Variants in CACNB4 observed in about 807,000 individuals in gnomAD.
CACNB4 encodes the protein calcium voltage-gated channel auxiliary subunit beta 4, also known as voltage-dependent L-type calcium channel subunit beta-4.
In CACNB4, 32 loss-of-function variants were observed where a neutral mutation model predicts 71.2. The ratio of observed to expected loss-of-function variants is 0.45; its 90% CI spans 0.34 to 0.60. The LOEUF is 0.60. Ranked by LOEUF, CACNB4 falls within the 20% of genes least tolerant of loss-of-function variation. CACNB4 has a pLI of 0.01. For synonymous variants in CACNB4, 231 were observed against 236.9 expected (o/e 0.97, Z 0.23); for missense variants, 464 against 647.9 (o/e 0.72, Z 3.08).
chr2:151,929,132 A>G (rs977840442), intron 2 of CACNB4, among the ~76,000 whole-genome samples: 3 of 151,878 alleles, frequency 2.0e-5, no homozygotes, highest in African/African-American at 4.8e-5. Context: ...ACATAATTCT[A>G]CTCAGTCCTC....
chr2:151,911,503 C>A (rs1475870010), intron 2 of CACNB4, among the ~76,000 whole-genome samples: 1 of 151,968 alleles, frequency 6.6e-6, no homozygotes, highest in African/African-American at 2.4e-5. Context: ...GTTGAACCAG[C>A]CTTGCATCCC....
At position 152,037,169 on chromosome 2, in the gene CACNB4, A is replaced by G. The variant is rs1187686568; in HGVS notation, c.147+61161T>C. 2.0e-5 allele frequency among the ~76,000 whole-genome samples: 3 copies of G among 152,164 alleles called. No individual in the cohort carries two copies. In the East Asian group the frequency reaches 5.8e-4, roughly 29 times the overall value. ...GGGCTTCTGTTTTGTTACCTTCTCA[A>G]TGAGTGATGTCTGAGAAGCTTGGTT... On this transcript the variant is annotated intron_variant, in intron 2 of 13. Transcript: ENST00000539935.
At chr2:151,984,844 C>T (rs944191199) in intron 2 of CACNB4, among the ~76,000 whole-genome samples, 5 of 152,164 alleles carry the variant, frequency 3.3e-5, no homozygotes, top group South Asian at 2.1e-4. Flanking sequence ...TCTCATATTT[C>T]GTATTTCAGC....
At chr2:151,905,495 G>A (rs1173443979) in intron 2 of CACNB4, among the ~76,000 whole-genome samples, 1 of 152,168 alleles carries the variant, frequency 6.6e-6, no homozygotes, top group East Asian at 1.9e-4. Flanking sequence ...CAAGTCTTGA[G>A]TAGAAAGAAG....
chr2:151,849,388 G>C (rs976801875), intron 12 of CACNB4, among the ~76,000 whole-genome samples: 2 of 152,118 alleles, frequency 1.3e-5, no homozygotes, highest in Non-Finnish European at 2.9e-5. Flanking sequence ...CTACCAAGGA[G>C]CTAGGACTAT....
At chr2:151,914,758 C>T (rs1237079631) in intron 2 of CACNB4, among the ~76,000 whole-genome samples, 3 of 152,086 alleles carry the variant, frequency 2.0e-5, no homozygotes, top group Non-Finnish European at 2.9e-5. Flanking sequence ...CTGCAGTTTG[C>T]GGGGGTTCAC....
intron 2 of CACNB4, among the ~76,000 whole-genome samples, chr2:152,067,123 A>G (rs1204357118): frequency 1.3e-5 from 2 of 151,818 alleles, no homozygotes; most frequent in Admixed American, 6.6e-5. Flanking sequence ...GTGCACATGT[A>G]CCCTAAAACT....
intron 2 of CACNB4, among the ~76,000 whole-genome samples, chr2:151,990,532 C>T (rs1681646857): frequency 6.6e-6 from 1 of 152,210 alleles, no homozygotes; most frequent in African/African-American, 2.4e-5. Context: ...CCAGGAGGAA[C>T]AGGGACCGGG....
At chr2:151,869,476 G>GACCCTCTTCCCTCT (rs901991897) in intron 8 of CACNB4, 4 of 404,388 alleles carry the variant, frequency 9.9e-6, no homozygotes, top group Admixed American at 4.1e-5. Flanking sequence ...GTGTTCACCA[G>GACCCTCTTCCCTCT]ACCCTCTTCC....
chr2:151,912,181 ATCT>A (rs1482225701), intron 2 of CACNB4, among the ~76,000 whole-genome samples: 3 of 151,718 alleles, frequency 2.0e-5, no homozygotes, highest in Non-Finnish European at 2.9e-5. Context: ...CTCTTCTCTG[ATCT>A]TAGTTATTTC....
intron 9 of CACNB4, chr2:151,861,842 C>CAAAAAAAAAAAAAAAAAAAAAAAAAAAA (rs35080979): frequency 3.2e-5 from 2 of 61,896 alleles, no homozygotes; most frequent in Admixed American, 1.6e-4. Context: ...GACCCTGTCT[C>CAAAAAAAAAAAAAAAAAAAAAAAAAAAA]AAAAAAAAAA....
At chr2:152,054,928 G>A (rs1431489494) in intron 2 of CACNB4, among the ~76,000 whole-genome samples, 1 of 152,042 alleles carries the variant, frequency 6.6e-6, no homozygotes, top group African/African-American at 2.4e-5. Flanking sequence ...CTTTTCTACT[G>A]AGTCTAAAAG....
intron 2 of CACNB4, among the ~76,000 whole-genome samples, chr2:152,085,573 G>GTCTGT (rs1687613927): frequency 6.6e-6 from 1 of 152,034 alleles, no homozygotes; most frequent in Non-Finnish European, 1.5e-5. Context: ...CCCACCATGA[G>GTCTGT]GGTCCCGGCT....
At chr2:151,867,251 A>AG (rs1242726534) in intron 9 of CACNB4, 1 of 152,252 alleles carries the variant, frequency 6.6e-6, no homozygotes, top group Non-Finnish European at 1.5e-5. Flanking sequence ...TGCACGTGCG[A>AG]CCAAGGCATG....
chr2:151,841,803 C>T, intron 13 of CACNB4, 100 bp downstream of exon 13: 1 of 965,706 alleles, frequency 1.0e-6, no homozygotes, highest in East Asian at 2.4e-5. Context: ...ATAGTGTTCC[C>T]TCTTCAGATT....
intron 2 of CACNB4, among the ~76,000 whole-genome samples, chr2:152,085,265 T>C (rs950453165): frequency 6.6e-6 from 1 of 151,906 alleles, no homozygotes; most frequent in East Asian, 1.9e-4. Context: ...GGCAAACAGA[T>C]CCGGGGAGAT....
rs182459569 is a variant in CACNB4 at position 151,834,273 on chromosome 2, T to A, written c.*4846A>T. ...TCCCAAACCACTCTAAATTCATTAG[T>A]AACATTTTCTACCATCCTTCTGCAA... On this transcript the variant is annotated 3_prime_UTR_variant, in exon 14 of 14. Transcript: ENST00000539935. 6.6e-6 allele frequency: 1 copy of A among 152,028 alleles called. No homozygotes were observed. Among genetic ancestry groups the A allele is most frequent in the Non-Finnish European group, 1.5e-5 (1 of 67,886 alleles). The allele number at this position is 152,028 out of a possible 1,614,324, so 9.4% of individuals were successfully genotyped here. A position where few individuals can be genotyped will look rare whatever the true frequency, so the allele number is the denominator to read the frequency against.
intron 10 of CACNB4, chr2:151,860,459 G>A: frequency 2.0e-6 from 1 of 512,676 alleles, no homozygotes; most frequent in African/African-American, 1.9e-5. Context: ...GGCAGGAAAA[G>A]ACTAGGAGAG....
intron 2 of CACNB4, among the ~76,000 whole-genome samples, chr2:152,050,996 T>C (rs1225032525): frequency 1.3e-5 from 2 of 152,008 alleles, no homozygotes; most frequent in African/African-American, 4.8e-5. Context: ...CTTGAACCCC[T>C]GAGCTTAAGT....
Sources: gnomAD v4.1 joint callset for allele counts (sites outside exome capture counted in the v4.1 genomes callset) on GRCh38, gnomAD v4.1.1 for gene constraint, MANE v1.5 for transcripts, NCBI Gene and HGNC (gene_info 2026-07-23, HGNC 2026-07-21) for gene names.